The following PRDM16 variants were observed in gnomAD, a reference collection of about 807,000 sequenced individuals.
The protein encoded by PRDM16 is histone-lysine N-methyltransferase PRDM16.
In PRDM16, 23 loss-of-function variants were observed where a neutral mutation model predicts 110.6. The observed-to-expected ratio is 0.21, with a 90% confidence interval of 0.15 to 0.29. The LOEUF is 0.29. PRDM16 is among the 10% of genes least tolerant of loss of function. The probability of loss-of-function intolerance (pLI) is 1.00; values close to 1 mark genes in which losing one functional copy is unlikely to be tolerated. For missense variants in PRDM16, 1,615 were observed against 1,794.3 expected, an observed-to-expected ratio of 0.90 and a Z score of 1.81; for synonymous variants, 799 against 781.8, an observed-to-expected ratio of 1.02 and a Z score of -0.37.
chr1:3,359,693 C>G lies in PRDM16; in HGVS notation c.439-25459C>G, dbSNP rs1015466743. On this transcript the variant is annotated intron_variant, in intron 3 of 16. Transcript: ENST00000270722. The surrounding 1 kb of genome is among the most constrained non-coding windows in gnomAD (Gnocchi z 4.3). ...TTTAGAAAATTTTTGGCAATCTTGA[C>G]TTCTTTCCCCCTTGGAAAAAAAGCG... 1.3e-5 allele frequency among the ~76,000 whole-genome samples: 2 copies of G among 152,202 alleles called. No individual in the cohort carries two copies. Among genetic ancestry groups the G allele is most frequent in the African/African-American group, 4.8e-5 (2 of 41,454 alleles).
chr1:3,335,258 A>G (rs1013805943), intron 3 of PRDM16, among the ~76,000 whole-genome samples: 38 of 152,292 alleles, frequency 2.5e-4, no homozygotes, highest in African/African-American at 8.7e-4. Flanking sequence ...AAGCCAGATC[A>G]CCACACCGAG....
intron 1 of PRDM16, among the ~76,000 whole-genome samples, chr1:3,183,746 G>GA (rs907002915): frequency 1.4e-4 from 22 of 152,336 alleles, no homozygotes; most frequent in African/African-American, 2.4e-4. Flanking sequence ...AATTCAAACA[G>GA]AAAAAAGCCA....
In PRDM16 at chr1:3,396,518, G is replaced by C; in HGVS notation, c.601G>C (p.Glu201Gln). ...QIYYKVIKDI[E>Q]PGEELLVHVK... ...TTACTATAAAGTCATTAAGGACATT[G>C]AGCCAGGTGAGGAGCTGCTGGTGCA... Residue 201 changes from glutamate to glutamine, a missense_variant, in exon 5 of 17, where the codon GAG becomes CAG. Glu to Gln is a conservative substitution (Grantham distance 29). Coordinates refer to ENST00000270722, the MANE Select transcript of PRDM16 (RefSeq NM_022114.4). 1 of 1,604,022 alleles carries C rather than the reference G, an allele frequency of 6.2e-7. No individual in the cohort carries two copies. The highest frequency in any genetic ancestry group is 1.1e-5 in the South Asian group (1 of 89,226).
At chr1:3,313,935 G>A (rs1263367420) in intron 3 of PRDM16, among the ~76,000 whole-genome samples, 1 of 152,250 alleles carries the variant, frequency 6.6e-6, no homozygotes, top group East Asian at 1.9e-4. Flanking sequence ...ATTGCCGATT[G>A]TGGGGAAAAC....
At chr1:3,428,645 C>T (rs1244473182) in intron 14 of PRDM16, among the ~76,000 whole-genome samples, 1 of 152,228 alleles carries the variant, frequency 6.6e-6, no homozygotes, top group Non-Finnish European at 1.5e-5. Context: ...GGAACGTTCC[C>T]TGGGCCTCCT....
At chr1:3,261,862 G>A (rs1052359196) in intron 3 of PRDM16, among the ~76,000 whole-genome samples, 2 of 152,142 alleles carry the variant, frequency 1.3e-5, no homozygotes, top group Non-Finnish European at 1.5e-5. Context: ...AGGTTGTCTG[G>A]CCTGCAGCCT....
At chr1:3,074,306 G>A (rs1309369482) in intron 1 of PRDM16, among the ~76,000 whole-genome samples, 11 of 152,168 alleles carry the variant, frequency 7.2e-5, no homozygotes, top group Non-Finnish European at 2.9e-5. Flanking sequence ...AGCAGATTGA[G>A]GCTCCAGTGA....
chr1:3,425,504 C>T lies in PRDM16; in HGVS notation c.2940-77C>T, dbSNP rs1638577480. The T allele has an allele frequency of 6.6e-7, 1 of 1,506,766 alleles. No homozygotes were observed. Among genetic ancestry groups the T allele is most frequent in the African/African-American group, 1.4e-5 (1 of 72,074 alleles). The allele number at this position is 1,506,766 out of a possible 1,614,324, so 93.3% of individuals were successfully genotyped here. A position where few individuals can be genotyped will look rare whatever the true frequency, so the allele number is the denominator to read the frequency against. ...GGCACGGGGCAGGGGCGCGGGCTCCCTTCCCCCCACCCTCTGTGGCCCGGC... is the reference window on the plus strand; with the variant it reads ...GGCACGGGGCAGGGGCGCGGGCTCCTTTCCCCCCACCCTCTGTGGCCCGGC... On this transcript the variant is annotated intron_variant, in intron 12 of 16. Transcript: ENST00000270722. The surrounding 1 kb of genome is among the most constrained non-coding windows in gnomAD (Gnocchi z 6.9).
chr1:3,074,123 G>GGCCCCT (rs1641835478), intron 1 of PRDM16, among the ~76,000 whole-genome samples: 1 of 152,222 alleles, frequency 6.6e-6, no homozygotes, highest in Non-Finnish European at 1.5e-5. Context: ...CCGCAGCCCC[G>GGCCCCT]GCCCCTGCCG....
chr1:3,392,428 G>GA, intron 4 of PRDM16, among the ~76,000 whole-genome samples: 1 of 152,256 alleles, frequency 6.6e-6, no homozygotes, highest in Admixed American at 6.5e-5. Flanking sequence ...CCAGGAAAGA[G>GA]AAAACAAGAA....
chr1:3,300,703 CA>C (rs1641189932), intron 3 of PRDM16, among the ~76,000 whole-genome samples: 1 of 152,214 alleles, frequency 6.6e-6, no homozygotes. Flanking sequence ...CATTTCCTTT[CA>C]TTTCTCTTTG....
chr1:3,131,535 CA>C (rs1331106814), intron 1 of PRDM16, among the ~76,000 whole-genome samples: 1 of 151,618 alleles, frequency 6.6e-6, no homozygotes, highest in Non-Finnish European at 1.5e-5. Flanking sequence ...TAAAAAAAAT[CA>C]AGTGGACATA....
intron 1 of PRDM16, among the ~76,000 whole-genome samples, chr1:3,107,353 G>A (rs532949809): frequency 3.9e-5 from 6 of 152,146 alleles, no homozygotes; most frequent in African/African-American, 9.7e-5. Flanking sequence ...TGGCTGGGCC[G>A]GGGGAGCCAT....
intron 4 of PRDM16, among the ~76,000 whole-genome samples, chr1:3,388,491 A>G (rs1643240084): frequency 6.6e-6 from 1 of 152,212 alleles, no homozygotes; most frequent in Non-Finnish European, 1.5e-5. Context: ...GGTTCAAGAC[A>G]TGTGACCTCA....
At chr1:3,388,289 T>C (rs1018301134) in intron 4 of PRDM16, among the ~76,000 whole-genome samples, 1 of 149,284 alleles carries the variant, frequency 6.7e-6, no homozygotes, top group Non-Finnish European at 1.5e-5. Flanking sequence ...TCCCTCTCTC[T>C]TTCTCTGTCT....
At chr1:3,333,626 C>T (rs1386873053) in intron 3 of PRDM16, among the ~76,000 whole-genome samples, 3 of 148,576 alleles carry the variant, frequency 2.0e-5, no homozygotes, top group Non-Finnish European at 4.4e-5. Context: ...CAAGAGCCAT[C>T]GCGGCTAAGG....
At chr1:3,111,346 AAG>A (rs1642787434) in intron 1 of PRDM16, among the ~76,000 whole-genome samples, 1 of 151,196 alleles carries the variant, frequency 6.6e-6, no homozygotes. Flanking sequence ...CAGGATGGAC[AAG>A]AGTCTCCCTC....
chr1:3,219,675 G>A (rs951252177), intron 2 of PRDM16, among the ~76,000 whole-genome samples: 2 of 152,200 alleles, frequency 1.3e-5, no homozygotes, highest in African/African-American at 2.4e-5. Flanking sequence ...ATAATGTCCC[G>A]CAGGAGTGAG....
chr1:3,346,593 GA>G (rs1642367786), intron 3 of PRDM16, among the ~76,000 whole-genome samples: 1 of 152,116 alleles, frequency 6.6e-6, no homozygotes, highest in East Asian at 1.9e-4. Flanking sequence ...AGGCAACACA[GA>G]CACCCCCTCC....
Sources: allele counts gnomAD v4.1 joint callset (sites outside exome capture counted in the v4.1 genomes callset), GRCh38; gene constraint gnomAD v4.1.1; non-coding constraint Gnocchi (gnomAD v3.1); transcripts MANE v1.5; gene names NCBI Gene and HGNC (gene_info 2026-07-23, HGNC 2026-07-21).